MYO16: variants seen among roughly 807,000 people sequenced by gnomAD.
The protein encoded by MYO16 is unconventional myosin-XVI.
A neutral mutation model predicts 205.3 loss-of-function variants in MYO16; 94 were observed. That is an observed-to-expected ratio of 0.46 (90% CI 0.39 to 0.54). MYO16 has a LOEUF of 0.54. Among genes scored for constraint, MYO16 ranks in the 20% least tolerant of loss-of-function variants. The pLI, the probability that MYO16 is intolerant of heterozygous loss-of-function variation, is 0.00. For missense variants in MYO16, 2,315 were observed against 2,387.5 expected (o/e 0.97, Z 0.63); for synonymous variants, 988 against 954.0 (o/e 1.04, Z -0.66).
intron 27 of MYO16, among the ~76,000 whole-genome samples, chr13:109,093,816 ACT>A (rs1345951849): frequency 1.3e-5 from 2 of 151,480 alleles, no homozygotes; most frequent in Admixed American, 1.3e-4. Flanking sequence ...GGCAGCCCTG[ACT>A]CTTTCCTGCC....
In MYO16 at chr13:109,187,383, G is replaced by GT. The variant is rs1377040035; in HGVS notation, c.5415+7756dup. ...TTTTACTGTTTTATTGATTCCTGTT[G>GT]TTTTTTATTTTCTTTTCTTTTGCTT... On this transcript the variant is annotated intron_variant, in intron 34 of 34. Coordinates refer to ENST00000457511, the MANE Select transcript of MYO16 (RefSeq NM_001198950.3). 2.0e-5 allele frequency among the ~76,000 whole-genome samples: 3 copies of GT among 152,008 alleles called. No homozygotes were observed. The East Asian group carries it at 5.8e-4, about 29-fold the overall frequency.
chr13:108,881,180 T>C (rs1363847369), intron 12 of MYO16, among the ~76,000 whole-genome samples: 1 of 152,142 alleles, frequency 6.6e-6, no homozygotes, highest in Non-Finnish European at 1.5e-5. Context: ...GCAAACAGGG[T>C]CTGGAGTGGA....
At chr13:108,548,026 G>C in the MYO16 span, among the ~76,000 whole-genome samples, 1 of 152,190 alleles carries the variant, frequency 6.6e-6, no homozygotes, top group African/African-American at 2.4e-5. Flanking sequence ...TGTTGGGAAA[G>C]TCTCCTAAAT....
At chr13:109,197,102 G>C (rs533613155) in intron 34 of MYO16, among the ~76,000 whole-genome samples, 1 of 152,222 alleles carries the variant, frequency 6.6e-6, no homozygotes, top group Middle Eastern at 3.4e-3. Flanking sequence ...TGTGGTGACT[G>C]TCCCCCTCTC....
the MYO16 span, among the ~76,000 whole-genome samples, chr13:108,559,490 T>TTTTTTG: frequency 6.9e-6 from 1 of 145,804 alleles, no homozygotes; most frequent in African/African-American, 2.5e-5. Flanking sequence ...TTTTTTTTTT[T>TTTTTTG]TTGAGACGGA....
intron 28 of MYO16, among the ~76,000 whole-genome samples, chr13:109,103,316 C>G (rs1889027897): frequency 6.6e-6 from 1 of 152,108 alleles, no homozygotes; most frequent in African/African-American, 2.4e-5. Context: ...AGCTGTTAGG[C>G]TGCAGGGACA....
chr13:108,646,825 C>T (rs983671353), intron 1 of MYO16, among the ~76,000 whole-genome samples: 4 of 152,032 alleles, frequency 2.6e-5, no homozygotes, highest in Non-Finnish European at 5.9e-5. Context: ...ATTTTTACAG[C>T]TTTAAAATAT....
chr13:109,013,194 C>T (rs1440841734), intron 22 of MYO16, among the ~76,000 whole-genome samples: 2 of 146,840 alleles, frequency 1.4e-5, no homozygotes, highest in Non-Finnish European at 3.0e-5. Context: ...TGAGTTCCCA[C>T]CTATGAGTGA....
intron 27 of MYO16, among the ~76,000 whole-genome samples, chr13:109,056,970 T>C (rs1329247729): frequency 6.6e-6 from 1 of 152,020 alleles, no homozygotes; most frequent in Non-Finnish European, 1.5e-5. Flanking sequence ...AAACCATTCA[T>C]CCAAAAAAGA....
At chr13:109,171,937 T>C (rs1878939833) in intron 33 of MYO16, among the ~76,000 whole-genome samples, 1 of 152,208 alleles carries the variant, frequency 6.6e-6, no homozygotes, top group Non-Finnish European at 1.5e-5. Context: ...CAATAAGGGT[T>C]ATTTGTGTTG....
At chr13:109,007,692 T>A (rs1885445817) in intron 21 of MYO16, among the ~76,000 whole-genome samples, 1 of 151,760 alleles carries the variant, frequency 6.6e-6, no homozygotes, top group South Asian at 2.1e-4. Context: ...TACTTTAAGA[T>A]AAATAAAGGT....
intron 16 of MYO16, among the ~76,000 whole-genome samples, chr13:108,936,085 T>TTTCCTTCCTTCC (rs56030003): frequency 6.5e-4 from 84 of 129,012 alleles, no homozygotes; most frequent in Non-Finnish European, 8.3e-4. Context: ...TTGGCTATAG[T>TTTCCTTCCTTCC]TTCCTTCCTT....
At chr13:108,652,866 C>A (rs529849092) in intron 1 of MYO16, among the ~76,000 whole-genome samples, 1 of 152,286 alleles carries the variant, frequency 6.6e-6, no homozygotes, top group East Asian at 1.9e-4. Context: ...ATACAAATAT[C>A]TCTCCAACAC....
intron 16 of MYO16, among the ~76,000 whole-genome samples, chr13:108,943,383 T>C (rs369111628): frequency 1.3e-5 from 2 of 152,358 alleles, no homozygotes; most frequent in Admixed American, 6.5e-5. Context: ...ATTATATAGA[T>C]GTAGTACTTT....
chr13:108,965,925 T>G (rs1566436453), intron 20 of MYO16, among the ~76,000 whole-genome samples: 2 of 152,174 alleles, frequency 1.3e-5, no homozygotes, highest in Non-Finnish European at 2.9e-5. Flanking sequence ...CTTCTTAAAT[T>G]TAAATTAAAT....
At chr13:108,797,242 C>G (rs1886821838) in intron 6 of MYO16, among the ~76,000 whole-genome samples, 1 of 152,144 alleles carries the variant, frequency 6.6e-6, no homozygotes, top group Admixed American at 6.5e-5. Context: ...TGTCTCTTAG[C>G]CATCTTAATG....
At chr13:108,726,420 G>A (rs1215922365) in intron 3 of MYO16, among the ~76,000 whole-genome samples, 2 of 151,984 alleles carry the variant, frequency 1.3e-5, no homozygotes, top group Non-Finnish European at 2.9e-5. Flanking sequence ...TTAGCTGGGT[G>A]TGGTGGCATG....
chr13:108,516,937 G>GTTTT, the MYO16 span, among the ~76,000 whole-genome samples: 1 of 151,578 alleles, frequency 6.6e-6, no homozygotes, highest in African/African-American at 2.4e-5. Context: ...GTTTTGTTTT[G>GTTTT]TTTTGTTTTT....
Position 108,855,524 on chromosome 13 carries a change from C to G in MYO16, c.1330C>G (p.Gln444Glu), listed in dbSNP as rs759004398. Residue 444 changes from glutamine to glutamate, a missense_variant, in exon 11 of 35, where the codon CAG (glutamine) becomes GAG (glutamate). This residue lies in a region of MYO16 where 1,213 missense variants were observed against 1,274.4 expected (regional missense o/e 0.95). Coordinates refer to ENST00000457511, the MANE Select transcript of MYO16 (RefSeq NM_001198950.3). ...TGATGGCAGCCTGCTCTATGAGATT[C>G]AGAAGCGCTTTGGGAACAATCAGAT... is the stretch of plus-strand genomic sequence containing the variant. ...LNDGSLLYEI[Q>E]KRFGNNQIYT... 4 of 1,593,812 alleles carry G rather than the reference C, an allele frequency of 2.5e-6. No individual in the cohort carries two copies. Among genetic ancestry groups the G allele is most frequent in the African/African-American group, 2.7e-5 (2 of 74,722 alleles).
Sources: allele counts gnomAD v4.1 joint callset (sites outside exome capture counted in the v4.1 genomes callset), GRCh38; gene constraint gnomAD v4.1.1; regional missense constraint gnomAD v4.1.1; transcripts MANE v1.5; gene names NCBI Gene and HGNC (gene_info 2026-07-23, HGNC 2026-07-21).